CKMT2: variants seen among roughly 807,000 people sequenced by gnomAD.
The protein encoded by CKMT2 is creatine kinase, mitochondrial 2, also known as creatine kinase S-type, mitochondrial.
CKMT2 carries 43 observed loss-of-function variants against 48.9 expected under a neutral mutation model. That is an observed-to-expected ratio of 0.88 (90% CI 0.69 to 1.13). CKMT2 has a LOEUF of 1.13. CKMT2 is among the 50% of genes most tolerant of loss of function. The pLI, the probability that CKMT2 is intolerant of heterozygous loss-of-function variation, is 0.00. For synonymous variants in CKMT2, 206 were observed against 213.0 expected, an observed-to-expected ratio of 0.97 and a Z score of 0.29; for missense variants, 472 against 555.4, an observed-to-expected ratio of 0.85 and a Z score of 1.51.
intron 8 of CKMT2, among the ~76,000 whole-genome samples, chr5:81,260,239 T>TAAA (rs1757166692): frequency 6.6e-6 from 1 of 152,170 alleles, no homozygotes; most frequent in Non-Finnish European, 1.5e-5. Context: ...GGGAAATTTA[T>TAAA]AGCAGCAAAT....
chr5:81,253,137 T>G (rs1447266656), intron 3 of CKMT2, among the ~76,000 whole-genome samples: 1 of 152,134 alleles, frequency 6.6e-6, no homozygotes, highest in East Asian at 1.9e-4. Context: ...TGTGGAGGAA[T>G]GAATTGCATG....
chr5:81,244,239 T>C (rs1305248426), intron 1 of CKMT2: 2 of 965,378 alleles, frequency 2.1e-6, no homozygotes, highest in Non-Finnish European at 2.5e-6. Flanking sequence ...TCATGGCTCA[T>C]AGAAATCGCA....
intron 7 of CKMT2, 41 bp from the exon 8 acceptor site, chr5:81,259,079 T>A (rs1355375877): frequency 3.2e-6 from 5 of 1,586,210 alleles, no homozygotes; most frequent in Non-Finnish European, 4.3e-6. Flanking sequence ...GAATGGATGT[T>A]GGAAAATGCT....
At chr5:81,244,504 C>G (rs781664286) in intron 1 of CKMT2, among the ~76,000 whole-genome samples, 14 of 152,208 alleles carry the variant, frequency 9.2e-5, no homozygotes, top group South Asian at 4.1e-4. Flanking sequence ...GGAGCCTCTA[C>G]ACTACATATG....
Position 81,254,973 on chromosome 5 carries a change from C to T in CKMT2, c.448-20C>T, listed in dbSNP as rs767399537. On this transcript the variant is annotated intron_variant, in intron 4 of 9. Transcript: ENST00000254035. Reference sequence around the variant, plus strand: ...CATGGTCCGAGGCTGGCCACAGTGACCCCACAGTCTGCTTGGCAGATCACC... The same window carrying T: ...CATGGTCCGAGGCTGGCCACAGTGATCCCACAGTCTGCTTGGCAGATCACC... 1.9e-6 allele frequency: 3 copies of T among 1,607,072 alleles called. No homozygotes were observed. Among genetic ancestry groups the T allele is most frequent in the Non-Finnish European group, 1.7e-6 (2 of 1,174,236 alleles).
chr5:81,235,183 G>A (rs80273949), intron 1 of CKMT2, among the ~76,000 whole-genome samples: 2,217 of 152,306 alleles, frequency 0.015, 47 homozygotes, highest in African/African-American at 0.05. Context: ...CTGTTTTACA[G>A]AGTAGGATTC....
intron 5 of CKMT2, among the ~76,000 whole-genome samples, chr5:81,256,095 A>C (rs1382789533): frequency 6.6e-6 from 1 of 152,044 alleles, no homozygotes; most frequent in Non-Finnish European, 1.5e-5. Flanking sequence ...TTGGTCTCTT[A>C]CGTGTGTAAT....
chr5:81,240,329 T>C (rs754330840), intron 1 of CKMT2, among the ~76,000 whole-genome samples: 4 of 152,200 alleles, frequency 2.6e-5, no homozygotes, highest in Non-Finnish European at 4.4e-5. Flanking sequence ...TCAGCATACC[T>C]GAGAGACCAG....
At chr5:81,233,553 G>A (rs777616606) in intron 1 of CKMT2, among the ~76,000 whole-genome samples, 176 bp downstream of exon 1, 3 of 152,180 alleles carry the variant, frequency 2.0e-5, no homozygotes, top group Admixed American at 6.5e-5. Flanking sequence ...GCCCTTGGCC[G>A]AAGCGACCCC....
chr5:81,254,729 C>T, intron 4 of CKMT2: 1 of 595,518 alleles, frequency 1.7e-6, no homozygotes, highest in Non-Finnish European at 3.0e-6. Flanking sequence ...TAAACCTTTC[C>T]TAAAGCTACT....
chr5:81,250,790 C>A, intron 1 of CKMT2: 1 of 171,814 alleles, frequency 5.8e-6, no homozygotes, highest in Admixed American at 6.0e-5. Flanking sequence ...TGTCAAATAG[C>A]TGGAAGAAGA....
At chr5:81,263,370 A>C (rs867894186) in intron 8 of CKMT2, 121 bp from the exon 9 acceptor site, 8 of 237,700 alleles carry the variant, frequency 3.4e-5, no homozygotes, top group Admixed American at 1.2e-4. Flanking sequence ...ATATATATTT[A>C]TTATATATAT....
At chr5:81,262,498 AC>A (rs1219207744) in intron 8 of CKMT2, among the ~76,000 whole-genome samples, 2 of 152,194 alleles carry the variant, frequency 1.3e-5, no homozygotes, top group East Asian at 3.8e-4. Flanking sequence ...GAAAAAAACA[AC>A]CCCATCAAAA....
intron 5 of CKMT2, among the ~76,000 whole-genome samples, chr5:81,255,724 C>T (rs970945758): frequency 1.3e-5 from 2 of 151,988 alleles, no homozygotes; most frequent in African/African-American, 4.8e-5. Context: ...GGCTTCCCTC[C>T]GGCACCAGGG....
chr5:81,236,117 G>A (rs865805560), intron 1 of CKMT2: 5 of 152,398 alleles, frequency 3.3e-5, no homozygotes, highest in South Asian at 2.1e-4. Context: ...TTACTTCAGC[G>A]GGAGCCTGAG....
At chr5:81,255,264 AC>A (rs1235184786) in intron 5 of CKMT2, 50 bp downstream of exon 5, 1 of 1,543,578 alleles carries the variant, frequency 6.5e-7, no homozygotes, top group Non-Finnish European at 8.9e-7. Flanking sequence ...AAGGGCTCTG[AC>A]CCGCACAGGA....
At chr5:81,250,609 TTCAATG>T (rs1756771205) in intron 1 of CKMT2, 1 of 152,302 alleles carries the variant, frequency 6.6e-6, no homozygotes, top group Non-Finnish European at 1.5e-5. Context: ...AAGGTCCTAC[TTCAATG>T]GGGGAATCCC....
At position 81,255,209 on chromosome 5, in the gene CKMT2, AT is replaced by A; in HGVS notation, c.665del (p.Ile222ThrfsTer15). 6.2e-7 allele frequency: 1 copy of A among 1,613,868 alleles called. No homozygotes were observed. The highest frequency in any genetic ancestry group is 1.7e-5 in the Admixed American group (1 of 60,002). On this transcript the variant is annotated frameshift_variant, in exon 5 of 10. Transcript: ENST00000254035. LOFTEE classifies it high-confidence loss of function. ...EMTEQDQQRL[I>X]DDHFLFDKPV... is the part of the protein sequence containing the mutation. ...GACGGAGCAGGACCAGCAGCGGCTC[AT>A]CGATGTGAGTAGCAGATGGGGCTCC...
At chr5:81,258,167 T>C (rs2112816799) in intron 7 of CKMT2, among the ~76,000 whole-genome samples, 1 of 152,246 alleles carries the variant, frequency 6.6e-6, no homozygotes, top group Non-Finnish European at 1.5e-5. Flanking sequence ...CTCAAAGTGC[T>C]GGGATTACAG....
Sources: gnomAD v4.1 joint callset for allele counts (sites outside exome capture counted in the v4.1 genomes callset) on GRCh38, gnomAD v4.1.1 for gene constraint, MANE v1.5 for transcripts, NCBI Gene and HGNC (gene_info 2026-07-23, HGNC 2026-07-21) for gene names.